FBN1: variants seen among roughly 807,000 people sequenced by gnomAD.
FBN1 encodes fibrillin 1, also known as fibrillin-1.
A neutral mutation model predicts 365.1 loss-of-function variants in FBN1; 29 were observed. The ratio of observed to expected loss-of-function variants is 0.08; its 90% confidence interval spans 0.06 to 0.11. The LOEUF is 0.11. FBN1 is among the 10% of genes least tolerant of loss of function. The pLI, the probability that FBN1 is intolerant of heterozygous loss-of-function variation, is 1.00. For synonymous variants in FBN1, 1,210 were observed against 1,270.5 expected, an observed-to-expected ratio of 0.95 and a Z score of 1.01; for missense variants, 2,476 against 3,703.2, an observed-to-expected ratio of 0.67 and a Z score of 8.60.
chr15:48,519,799 G>A (rs1946865422), intron 10 of FBN1, among the ~76,000 whole-genome samples: 1 of 152,142 alleles, frequency 6.6e-6, no homozygotes, highest in South Asian at 2.1e-4. Context: ...AAGATGAACT[G>A]GGATTAGATT....
chr15:48,494,138 G>A (rs1047692914), intron 23 of FBN1, 66 bp downstream of exon 23: 4 of 1,271,668 alleles, frequency 3.1e-6, no homozygotes, highest in Non-Finnish European at 4.6e-6. Flanking sequence ...GCTTTATCCA[G>A]TCCGAGTTAA....
chr15:48,496,838 A>C (rs887925435), intron 19 of FBN1, among the ~76,000 whole-genome samples: 3 of 152,216 alleles, frequency 2.0e-5, no homozygotes, highest in Non-Finnish European at 4.4e-5. Flanking sequence ...ACCCAACTTT[A>C]AGAGAGCAGG....
In FBN1 at chr15:48,537,821, A is replaced by C; in HGVS notation, c.539-13T>G. ...CCTGTCCTGTAATCTGAAAATAAAG[A>C]ATAAAAATCTGATGAAAATCCAGAA... On this transcript the variant is annotated splice_polypyrimidine_tract_variant and intron_variant, in intron 6 of 65. Transcript: ENST00000316623. The C allele has an allele frequency of 6.2e-7, 1 of 1,613,588 alleles. No homozygotes were observed. Among genetic ancestry groups the C allele is most frequent in the East Asian group, 2.2e-5 (1 of 44,872 alleles).
intron 6 of FBN1, among the ~76,000 whole-genome samples, chr15:48,555,213 C>G (rs1426109040): frequency 1.3e-5 from 2 of 152,124 alleles, no homozygotes; most frequent in Non-Finnish European, 2.9e-5. Flanking sequence ...CCCTGAAAAT[C>G]TGTGCTCGGT....
chr15:48,435,690 G>C (rs924091593), intron 53 of FBN1, among the ~76,000 whole-genome samples: 1 of 116,744 alleles, frequency 8.6e-6, no homozygotes. Context: ...GTGTGTGTGT[G>C]CATGTGTGTG....
At chr15:48,523,706 T>A (rs1447836198) in intron 9 of FBN1, among the ~76,000 whole-genome samples, 2 of 60,742 alleles carry the variant, frequency 3.3e-5, no homozygotes, top group Non-Finnish European at 5.7e-5. Context: ...ACACCAAGGG[T>A]GGCTGGGGGG....
intron 10 of FBN1, among the ~76,000 whole-genome samples, chr15:48,520,186 C>T (rs35011719): frequency 0.15 from 22,897 of 151,156 alleles, 1,879 homozygotes; most frequent in East Asian, 0.36. Flanking sequence ...AGAGAAAATA[C>T]GCTTCTAATA....
Position 48,487,788 on chromosome 15 carries a change from C to A in FBN1, c.3337+325G>T, listed in dbSNP as rs184150964. Among the ~76,000 whole-genome samples, 61 of 152,352 alleles carry A rather than the reference C, an allele frequency of 4.0e-4. 2 individuals carry two copies. The East Asian group carries it at 0.011, about 28-fold the overall frequency. On this transcript the variant is annotated intron_variant, in intron 27 of 65. Coordinates refer to ENST00000316623, the MANE Select transcript of FBN1 (RefSeq NM_000138.5). Reference sequence around the variant, plus strand: ...CCTAAAGCAACAAGTTTACCAATCACCTTTTCTAGAAGTGTTGGACAGACA... The same window carrying A: ...CCTAAAGCAACAAGTTTACCAATCAACTTTTCTAGAAGTGTTGGACAGACA...
At chr15:48,483,035 A>G (rs1204180518) in intron 31 of FBN1, among the ~76,000 whole-genome samples, 1 of 152,252 alleles carries the variant, frequency 6.6e-6, no homozygotes, top group East Asian at 1.9e-4. Flanking sequence ...AAATATTTCT[A>G]GGAATACAAA....
rs193922210 is a variant in FBN1, at chr15:48,596,337, C to A, written c.484G>T (p.Ala162Ser). 1.2e-6 allele frequency: 2 copies of A among 1,614,022 alleles called. No individual in the cohort carries two copies. The highest frequency in any genetic ancestry group is 8.5e-7 in the Non-Finnish European group (1 of 1,179,902). Residue 162 changes from alanine (A) to serine (S), a missense_variant, in exon 6 of 66, where the codon GCC becomes TCC. Coordinates refer to ENST00000316623, the MANE Select transcript of FBN1 (RefSeq NM_000138.5). ...TAAGTGCATGCACATCGATTTGGGG[C>A]CACACACCTTCCTCCATTGAGACAG... ...SGCLNGGRCV[A>S]PNRCACTYGF...
chr15:48,483,066 G>A (rs2043477682), intron 31 of FBN1, among the ~76,000 whole-genome samples: 1 of 152,124 alleles, frequency 6.6e-6, no homozygotes, highest in Non-Finnish European at 1.5e-5. Flanking sequence ...ACTCAGTAAG[G>A]CACAATTTAC....
At chr15:48,578,749 C>A (rs1460329302) in intron 6 of FBN1, among the ~76,000 whole-genome samples, 1 of 147,558 alleles carries the variant, frequency 6.8e-6, no homozygotes. Flanking sequence ...AGTAAACTAT[C>A]GCAAGAACAA....
In FBN1 at chr15:48,508,719, C is replaced by T; in HGVS notation, c.1715-15G>A. 6.2e-7 allele frequency: 1 copy of T among 1,613,162 alleles called. No homozygotes were observed. Among genetic ancestry groups the T allele is most frequent in the Non-Finnish European group, 8.5e-7 (1 of 1,179,436 alleles). ...TTCATCCATATCTGAAAATACAAAACATACATTTTCTTATGACCAGAAGAG... is the reference window on the plus strand; with the variant it reads ...TTCATCCATATCTGAAAATACAAAATATACATTTTCTTATGACCAGAAGAG... On this transcript the variant is annotated splice_polypyrimidine_tract_variant and intron_variant, in intron 14 of 65. Coordinates refer to ENST00000316623, the MANE Select transcript of FBN1 (RefSeq NM_000138.5).
At position 48,465,667 on chromosome 15, in the gene FBN1, C is replaced by G. The variant is rs1486011211; in HGVS notation, c.4843G>C (p.Gly1615Arg). The G allele has an allele frequency of 6.2e-7, 1 of 1,614,044 alleles. No individual in the cohort carries two copies. Among genetic ancestry groups the G allele is most frequent in the Non-Finnish European group, 8.5e-7 (1 of 1,179,960 alleles). Residue 1615 changes from glycine (G) to arginine (R), a missense_variant, in exon 40 of 66, where the codon GGG (glycine) becomes CGG (arginine). Physicochemically the swap from Gly to Arg is moderately radical, Grantham distance 125 (BLOSUM62 -2). Transcript: ENST00000316623. ...EDIDECQELP[G>R]LCQGGKCINT... ...ATACATTTTCCTCCTTGGCACAGCCCTGGTAGCTCCTGGCACTCATCAATA... is the reference window on the plus strand; with the variant it reads ...ATACATTTTCCTCCTTGGCACAGCCGTGGTAGCTCCTGGCACTCATCAATA...
chr15:48,533,411 CTG>C (rs1302443249), intron 8 of FBN1, among the ~76,000 whole-genome samples: 1 of 152,154 alleles, frequency 6.6e-6, no homozygotes, highest in African/African-American at 2.4e-5. Context: ...GAAATTATGA[CTG>C]TAATTGGAAG....
intron 6 of FBN1, among the ~76,000 whole-genome samples, chr15:48,589,918 A>G (rs1474386272): frequency 6.6e-6 from 1 of 152,086 alleles, no homozygotes; most frequent in African/African-American, 2.4e-5. Context: ...GCCCTGCCAC[A>G]TTGTTACTTT....
intron 15 of FBN1, among the ~76,000 whole-genome samples, chr15:48,507,423 C>T (rs1373894688): frequency 1.3e-5 from 2 of 152,124 alleles, no homozygotes; most frequent in East Asian, 1.9e-4. Flanking sequence ...TAGCACAGGG[C>T]TCAAAAGTAC....
intron 2 of FBN1, among the ~76,000 whole-genome samples, chr15:48,637,984 C>T (rs1182771235): frequency 4.0e-5 from 6 of 151,720 alleles, no homozygotes; most frequent in African/African-American, 1.5e-4. Context: ...TTCAATAAAA[C>T]TCTATTTTCA....
chr15:48,623,865 C>G (rs958192938), intron 2 of FBN1, among the ~76,000 whole-genome samples: 1 of 151,994 alleles, frequency 6.6e-6, no homozygotes, highest in Admixed American at 6.6e-5. Context: ...AGCCCAAGAA[C>G]TTATGGTCCA....
Sources: allele counts gnomAD v4.1 joint callset (sites outside exome capture counted in the v4.1 genomes callset), GRCh38; gene constraint gnomAD v4.1.1; transcripts MANE v1.5; gene names NCBI Gene and HGNC (gene_info 2026-07-23, HGNC 2026-07-21).